PCYT1A: variants seen among roughly 807,000 people sequenced by gnomAD.
PCYT1A encodes the protein choline-phosphate cytidylyltransferase A.
A neutral mutation model predicts 43.7 loss-of-function variants in PCYT1A; 25 were observed. The ratio of observed to expected loss-of-function variants is 0.57; its 90% CI spans 0.42 to 0.80. The LOEUF (loss-of-function observed/expected upper bound fraction) is 0.80. Among genes scored for constraint, PCYT1A ranks in the 30% least tolerant of loss-of-function variants. The pLI is 0.00. For synonymous variants in PCYT1A, 172 were observed against 170.7 expected (o/e 1.01, Z -0.06); for missense variants, 421 against 474.2 (o/e 0.89, Z 1.04).
intron 2 of PCYT1A, among the ~76,000 whole-genome samples, chr3:196,262,746 G>T (rs1271976301): frequency 1.3e-5 from 2 of 149,786 alleles, no homozygotes; most frequent in Non-Finnish European, 1.5e-5. Context: ...ACTAGAACTT[G>T]ATATTGTCTT....
chr3:196,239,594 C>A lies in PCYT1A; in HGVS notation c.850G>T (p.Glu284Ter), dbSNP rs1724289595. Residue 284 changes from glutamate (E) to a stop codon, truncating the protein, a stop_gained, in exon 8 of 9, where the codon GAA becomes TAA. Coordinates refer to ENST00000431016, the MANE Select transcript of PCYT1A (RefSeq NM_001312673.2). LOFTEE classifies it high-confidence loss of function. ...ATTTCCAGAAAACTTCCAATGAATT[C>A]TCGGGACTTCTCCTCCCACTTCTGA... ...LIQKWEEKSR[E>*]FIGSFLEMFG... 1.2e-6 allele frequency: 2 copies of A among 1,613,412 alleles called. No homozygotes were observed. Among genetic ancestry groups the A allele is most frequent in the Non-Finnish European group, 1.7e-6 (2 of 1,179,306 alleles).
At chr3:196,239,319 C>G (rs1724279939) in intron 8 of PCYT1A, among the ~76,000 whole-genome samples, 1 of 152,176 alleles carries the variant, frequency 6.6e-6, no homozygotes, top group African/African-American at 2.4e-5. Context: ...TATCTTGTCA[C>G]CAGACTTTAA....
At chr3:196,269,584 G>C (rs984522313) in intron 2 of PCYT1A, among the ~76,000 whole-genome samples, 1 of 152,028 alleles carries the variant, frequency 6.6e-6, no homozygotes, top group Non-Finnish European at 1.5e-5. Flanking sequence ...GCTTTAGGAA[G>C]GGTAGCAAGC....
chr3:196,238,744 T>C lies in PCYT1A; in HGVS notation c.1048A>G (p.Asn350Asp). ...GCTGCAGCCTTGTGCCTGGAGAGAT[T>C]TGCTGGGGAGCAAGGTGGGGAAGTC... ...GKTSPPCSPA[N>D]LSRHKAAAYD... The change falls in exon 9 of 9, where the codon AAT becomes GAT. Residue 350 changes from asparagine (N) to aspartate (D), a missense_variant. Physicochemically the swap from Asn to Asp is conservative, Grantham distance 23. Around this residue, in one of 3 missense-constraint regions of PCYT1A, gnomAD observed 108 missense variants for 85.7 expected, o/e 1.26. Coordinates refer to ENST00000431016, the MANE Select transcript of PCYT1A (RefSeq NM_001312673.2). 6.3e-7 allele frequency: 1 copy of C among 1,591,686 alleles called. No individual in the cohort carries two copies. The highest frequency in any genetic ancestry group is 8.5e-7 in the Non-Finnish European group (1 of 1,169,994).
At chr3:196,244,852 C>CCCT (rs1724507289) in intron 5 of PCYT1A, among the ~76,000 whole-genome samples, 1 of 151,362 alleles carries the variant, frequency 6.6e-6, no homozygotes, top group Non-Finnish European at 1.5e-5. Context: ...GGATTAAGGG[C>CCCT]GGTGCAAGAT....
chr3:196,280,366 T>A lies in PCYT1A; in HGVS notation c.-11+7249A>T, dbSNP rs182353554. ...CACTGGTTCCAGGATCTCCTGCAGA[T>A]GCCAAAATCCACAGATGCTCAAAAG... On this transcript the variant is annotated intron_variant, in intron 1 of 8. Coordinates refer to ENST00000431016, the MANE Select transcript of PCYT1A (RefSeq NM_001312673.2). Among the ~76,000 whole-genome samples, 321 of 152,254 alleles carry A rather than the reference T, an allele frequency of 2.1e-3. 1 individual carries two copies. Among genetic ancestry groups the A allele is most frequent in the African/African-American group, 7.4e-3 (308 of 41,532 alleles).
At chr3:196,286,013 A>C (rs568568940) in intron 1 of PCYT1A, among the ~76,000 whole-genome samples, 4 of 148,024 alleles carry the variant, frequency 2.7e-5, no homozygotes, top group African/African-American at 1.0e-4. Context: ...CATACCACAA[A>C]CCCCTAAATC....
rs539400776 is a variant in PCYT1A, at chr3:196,238,451, G to A, written c.*237C>T. On this transcript the variant is annotated 3_prime_UTR_variant, in exon 9 of 9. Coordinates refer to ENST00000431016, the MANE Select transcript of PCYT1A (RefSeq NM_001312673.2). ...ACAGTGAAACAAAGCCCTTGGGGGG[G>A]GGTAAATGGATGCAGAGCAGGCTTC... 5 of 364,154 alleles carry A rather than the reference G, an allele frequency of 1.4e-5. No individual in the cohort carries two copies. Among genetic ancestry groups the A allele is most frequent in the South Asian group, 1.4e-4 (1 of 7,144 alleles). 22.6% of individuals were successfully genotyped at this position (364,154 alleles called of 1,614,324 possible). A position where few individuals can be genotyped will look rare whatever the true frequency, so the allele number is the denominator to read the frequency against.
At chr3:196,258,317 C>A (rs376662242) in intron 2 of PCYT1A, among the ~76,000 whole-genome samples, 43 of 150,992 alleles carry the variant, frequency 2.8e-4, no homozygotes, top group African/African-American at 1.0e-3. Context: ...TTTGTTATTC[C>A]TATGTATTTT....
chr3:196,235,815 G>T lies in PCYT1A; in HGVS notation c.*2873C>A, dbSNP rs996238852. The T allele has an allele frequency of 6.6e-6, 1 of 152,260 alleles. No homozygotes were observed. 9.4% of individuals were successfully genotyped at this position (152,260 alleles called of 1,614,324 possible). A position where few individuals can be genotyped will look rare whatever the true frequency, so the allele number is the denominator to read the frequency against. On this transcript the variant is annotated 3_prime_UTR_variant, in exon 9 of 9. Transcript: ENST00000431016. The surrounding 1 kb of genome is among the most constrained non-coding windows in gnomAD (Gnocchi z 4.3). ...GATTTAGATCCCAGGCATTGTGGTGGTGTGCACACCTCTAACCTCATTTAA... is the reference window on the plus strand; with the variant it reads ...GATTTAGATCCCAGGCATTGTGGTGTTGTGCACACCTCTAACCTCATTTAA...
intron 1 of PCYT1A, among the ~76,000 whole-genome samples, chr3:196,278,448 T>G (rs745576569): frequency 6.6e-6 from 1 of 152,118 alleles, no homozygotes; most frequent in Non-Finnish European, 1.5e-5. Context: ...TTAATATCCC[T>G]GTTTGTCCAG....
At chr3:196,266,343 G>A (rs1725274009) in intron 2 of PCYT1A, among the ~76,000 whole-genome samples, 1 of 151,600 alleles carries the variant, frequency 6.6e-6, no homozygotes, top group Non-Finnish European at 1.5e-5. Context: ...CTTGGTGGCG[G>A]GCGCCTGTAG....
At chr3:196,248,141 G>A in intron 4 of PCYT1A, 66 bp downstream of exon 4, 2 of 893,362 alleles carry the variant, frequency 2.2e-6, no homozygotes, top group Non-Finnish European at 3.8e-6. Flanking sequence ...GTACTCAGCT[G>A]AGAAAGACAG....
chr3:196,284,599 G>T lies in PCYT1A; in HGVS notation c.-11+3016C>A, dbSNP rs191952048. 2.0e-3 allele frequency among the ~76,000 whole-genome samples: 305 copies of T among 152,250 alleles called. 1 individual carries two copies. In the South Asian group the frequency reaches 0.025, roughly 13 times the overall value. The stretch of plus-strand genomic sequence containing the variant: ...CTAAGTCCAGGCTCTATCTGACGAG[G>T]TCATTCTTCTTAAGGGATCACATAT... On this transcript the variant is annotated intron_variant, in intron 1 of 8. Coordinates refer to ENST00000431016, the MANE Select transcript of PCYT1A (RefSeq NM_001312673.2).
At chr3:196,286,836 C>T (rs1725926998) in intron 1 of PCYT1A, among the ~76,000 whole-genome samples, 1 of 152,212 alleles carries the variant, frequency 6.6e-6, no homozygotes, top group South Asian at 2.1e-4. Flanking sequence ...ATCGCTTGAA[C>T]CAGGGAGGCG....
rs1344671813 is a variant in PCYT1A at position 196,236,966 on chromosome 3, C to T, written c.*1722G>A. On this transcript the variant is annotated 3_prime_UTR_variant, in exon 9 of 9. Coordinates refer to ENST00000431016, the MANE Select transcript of PCYT1A (RefSeq NM_001312673.2). ...ACAGGCGTGAGCCACCACGCCTTGC[C>T]TGGGTGATCCAAGTTTTAAGAACCA... 2 of 152,252 alleles carry T rather than the reference C, an allele frequency of 1.3e-5. No homozygotes were observed. Among genetic ancestry groups the T allele is most frequent in the African/African-American group, 2.4e-5 (1 of 41,440 alleles). The allele number at this position is 152,252 out of a possible 1,614,324, so 9.4% of individuals were successfully genotyped here. A position where few individuals can be genotyped will look rare whatever the true frequency, so the allele number is the denominator to read the frequency against.
intron 2 of PCYT1A, among the ~76,000 whole-genome samples, chr3:196,262,810 T>C (rs7631992): frequency 0.032 from 4,880 of 151,788 alleles, 106 homozygotes; most frequent in South Asian, 0.091. Flanking sequence ...TTGGCTTTTT[T>C]TTGTGAGACA....
chr3:196,271,663 G>A (rs1282268440), intron 1 of PCYT1A, among the ~76,000 whole-genome samples: 11 of 120,982 alleles, frequency 9.1e-5, no homozygotes, highest in Admixed American at 3.4e-4. Context: ...GCAGTGGCAC[G>A]ATCTCGGCTC....
At chr3:196,245,822 G>A (rs1433929279) in intron 5 of PCYT1A, among the ~76,000 whole-genome samples, 8 of 152,092 alleles carry the variant, frequency 5.3e-5, no homozygotes, top group East Asian at 1.9e-4. Context: ...ATGGTGGCGC[G>A]CACCTGTAAT....
Sources: allele counts gnomAD v4.1 joint callset (sites outside exome capture counted in the v4.1 genomes callset), GRCh38; gene constraint gnomAD v4.1.1; regional missense constraint gnomAD v4.1.1; non-coding constraint Gnocchi (gnomAD v3.1); transcripts MANE v1.5; gene names NCBI Gene and HGNC (gene_info 2026-07-23, HGNC 2026-07-21).